The following TAFA1 variants were observed in gnomAD, a reference collection of about 807,000 sequenced individuals.
TAFA1 encodes chemokine-like protein TAFA-1.
A neutral mutation model predicts 18.5 loss-of-function variants in TAFA1; 4 were observed. The ratio of observed to expected loss-of-function variants is 0.22; its 90% confidence interval spans 0.11 to 0.49. The LOEUF is 0.49. Ranked by LOEUF, TAFA1 falls within the 20% of genes least tolerant of loss-of-function variation. The pLI is 0.98. For missense variants in TAFA1, 147 were observed against 169.0 expected, an observed-to-expected ratio of 0.87 and a Z score of 0.72; for synonymous variants, 56 against 55.2, an observed-to-expected ratio of 1.01 and a Z score of -0.06.
intron 3 of TAFA1, among the ~76,000 whole-genome samples, chr3:68,504,065 T>A (rs2072707269): frequency 1.3e-5 from 2 of 152,136 alleles, no homozygotes; most frequent in African/African-American, 2.4e-5. Context: ...AAGCATAATA[T>A]ACGTGGAGAA....
At chr3:68,477,338 A>G (rs2072118925) in intron 3 of TAFA1, among the ~76,000 whole-genome samples, 1 of 152,172 alleles carries the variant, frequency 6.6e-6, no homozygotes, top group African/African-American at 2.4e-5. Flanking sequence ...GCATTCAAGT[A>G]GATTCCAGCT....
chr3:68,078,078 A>G (rs1005302317), intron 2 of TAFA1, among the ~76,000 whole-genome samples: 2 of 151,618 alleles, frequency 1.3e-5, no homozygotes, highest in Non-Finnish European at 3.0e-5. Context: ...AGCAATTGTG[A>G]ATGGGAGTTC....
chr3:68,130,393 C>G (rs921727794), intron 2 of TAFA1, among the ~76,000 whole-genome samples: 2 of 152,128 alleles, frequency 1.3e-5, no homozygotes, highest in African/African-American at 4.8e-5. Context: ...AGCTCTGACC[C>G]TTTCATTTAT....
At chr3:68,062,213 CA>C (rs1383606552) in intron 2 of TAFA1, among the ~76,000 whole-genome samples, 1 of 152,040 alleles carries the variant, frequency 6.6e-6, no homozygotes, top group African/African-American at 2.4e-5. Context: ...TATAGACTAT[CA>C]AGGTGAATCA....
At chr3:68,470,483 C>T (rs1005875824) in intron 3 of TAFA1, among the ~76,000 whole-genome samples, 5 of 152,164 alleles carry the variant, frequency 3.3e-5, no homozygotes, top group African/African-American at 1.2e-4. Context: ...TTCCTAGAGA[C>T]TTGTTGAATG....
chr3:68,342,894 G>A (rs1003490284), intron 2 of TAFA1, among the ~76,000 whole-genome samples: 1 of 152,156 alleles, frequency 6.6e-6, no homozygotes, highest in African/African-American at 2.4e-5. Flanking sequence ...ACTTTATACA[G>A]CACAGCCTTT....
chr3:68,249,546 A>G (rs1226082903), intron 2 of TAFA1, among the ~76,000 whole-genome samples: 1 of 152,124 alleles, frequency 6.6e-6, no homozygotes, highest in East Asian at 1.9e-4. Context: ...GGAAATTGAG[A>G]TTCTGTTATC....
rs562305722 is a variant in TAFA1 at position 68,544,421 on chromosome 3, C to G, written c.385-65C>G. ...AAGGTGTCCTCCTTTTCTACATAAT[C>G]ACATTTCTTTGTGCCTTCAGTTTGC... is the stretch of plus-strand genomic sequence containing the variant. On this transcript the variant is annotated intron_variant, in intron 4 of 4. Coordinates refer to ENST00000478136, the MANE Select transcript of TAFA1 (RefSeq NM_213609.4). 975 of 1,523,642 alleles carry G rather than the reference C, an allele frequency of 6.4e-4. 15 individuals carry two copies. In the South Asian group the frequency reaches 0.01, roughly 16 times the overall value. 94.4% of individuals were successfully genotyped at this position (1,523,642 alleles called of 1,614,324 possible).
chr3:68,054,650 A>G (rs919650552), intron 2 of TAFA1, among the ~76,000 whole-genome samples: 1 of 152,192 alleles, frequency 6.6e-6, no homozygotes, highest in Non-Finnish European at 1.5e-5. Flanking sequence ...GGCTGCTTTC[A>G]CACTACAACA....
rs535271683 is a variant in TAFA1 at position 68,076,287 on chromosome 3, T to G, written c.118+69543T>G. Among the ~76,000 whole-genome samples the G allele has an allele frequency of 2.6e-5, 4 of 151,932 alleles. No individual in the cohort carries two copies. In the South Asian group the frequency reaches 8.3e-4, roughly 31 times the overall value. On this transcript the variant is annotated intron_variant, in intron 2 of 4. Transcript: ENST00000478136. The stretch of plus-strand genomic sequence containing the variant: ...TTTTCCATTGTTCCTACTTCTTTTT[T>G]TTTTTGAATGTTTGTTTGTTTGTTT...
chr3:68,428,646 A>G (rs1040391793), intron 3 of TAFA1, among the ~76,000 whole-genome samples: 3 of 151,960 alleles, frequency 2.0e-5, no homozygotes. Context: ...CGTTTATGAA[A>G]TGAAAAGCAA....
At chr3:68,466,656 A>C (rs2071890554) in intron 3 of TAFA1, among the ~76,000 whole-genome samples, 1 of 152,052 alleles carries the variant, frequency 6.6e-6, no homozygotes, top group Non-Finnish European at 1.5e-5. Flanking sequence ...GATGATAAAC[A>C]CTGTTTTCAA....
At chr3:68,487,996 C>A (rs2072379194) in intron 3 of TAFA1, among the ~76,000 whole-genome samples, 1 of 152,028 alleles carries the variant, frequency 6.6e-6, no homozygotes, top group South Asian at 2.1e-4. Context: ...TACAGATGCC[C>A]CCACATAGCA....
intron 2 of TAFA1, among the ~76,000 whole-genome samples, chr3:68,351,878 G>A (rs1180219225): frequency 1.3e-5 from 2 of 151,938 alleles, no homozygotes; most frequent in Non-Finnish European, 1.5e-5. Context: ...CAAGCAGAGT[G>A]AGGTCAGAGA....
chr3:68,330,865 C>A (rs1361329917), intron 2 of TAFA1, among the ~76,000 whole-genome samples: 1 of 151,914 alleles, frequency 6.6e-6, no homozygotes, highest in East Asian at 1.9e-4. Flanking sequence ...TTTGTATTGC[C>A]CTTACTAGAT....
intron 2 of TAFA1, among the ~76,000 whole-genome samples, chr3:68,238,390 T>G (rs1312284403): frequency 1.3e-5 from 2 of 152,190 alleles, no homozygotes; most frequent in Non-Finnish European, 2.9e-5. Context: ...ATAAAGAAAT[T>G]CAGGATTTTC....
At chr3:68,293,717 G>C (rs902783278) in intron 2 of TAFA1, among the ~76,000 whole-genome samples, 1 of 152,150 alleles carries the variant, frequency 6.6e-6, no homozygotes, top group Non-Finnish European at 1.5e-5. Flanking sequence ...AATATCTTAG[G>C]TTTTTCAGCA....
chr3:68,434,304 A>G (rs776849431), intron 3 of TAFA1, among the ~76,000 whole-genome samples: 1 of 152,072 alleles, frequency 6.6e-6, no homozygotes, highest in Non-Finnish European at 1.5e-5. Flanking sequence ...AGGCTCAACA[A>G]TTTCCTCTGT....
intron 2 of TAFA1, among the ~76,000 whole-genome samples, chr3:68,070,414 C>T (rs959327841): frequency 2.6e-5 from 4 of 152,208 alleles, no homozygotes; most frequent in African/African-American, 9.6e-5. Flanking sequence ...CAGCAGGGGG[C>T]CCCTTGGCCA....
Sources: allele counts gnomAD v4.1 joint callset (sites outside exome capture counted in the v4.1 genomes callset), GRCh38; gene constraint gnomAD v4.1.1; transcripts MANE v1.5; gene names NCBI Gene and HGNC (gene_info 2026-07-23, HGNC 2026-07-21).